The following SUMF1 variants were observed in gnomAD, a reference collection of about 807,000 sequenced individuals.
SUMF1 encodes sulfatase modifying factor 1.
In SUMF1, 48 loss-of-function variants were observed where a neutral mutation model predicts 47.6. The ratio of observed to expected loss-of-function variants is 1.01; its 90% CI spans 0.80 to 1.28. The LOEUF (loss-of-function observed/expected upper bound fraction) is 1.28, where lower values mean the gene tolerates loss of function less well. Ranked by LOEUF, SUMF1 falls within the 50% of genes most tolerant of loss-of-function variation. The pLI, the probability that SUMF1 is intolerant of heterozygous loss-of-function variation, is 0.00. For synonymous variants in SUMF1, 230 were observed against 192.1 expected (o/e 1.20, Z -1.63); for missense variants, 571 against 485.4 (o/e 1.18, Z -1.66).
chr3:4,168,351 A>G (rs1303511497), intron 8 of SUMF1, among the ~76,000 whole-genome samples: 1 of 152,172 alleles, frequency 6.6e-6, no homozygotes, highest in Non-Finnish European at 1.5e-5. Context: ...GATTTGCCCA[A>G]GGATAAATAT....
chr3:4,306,538 A>T (rs1698197902), intron 8 of SUMF1, among the ~76,000 whole-genome samples: 1 of 152,214 alleles, frequency 6.6e-6, no homozygotes, highest in African/African-American at 2.4e-5. Context: ...ACAGCTCCCA[A>T]TAAAGTTAGA....
intron 3 of SUMF1, among the ~76,000 whole-genome samples, chr3:4,430,376 G>A (rs1239324571): frequency 3.3e-5 from 5 of 152,082 alleles, no homozygotes; most frequent in Admixed American, 3.3e-4. Context: ...TGCCAATTTT[G>A]GCTCTCCTAT....
chr3:4,129,759 C>A (rs183139134), intron 8 of SUMF1, among the ~76,000 whole-genome samples: 1 of 152,188 alleles, frequency 6.6e-6, no homozygotes, highest in Non-Finnish European at 1.5e-5. Flanking sequence ...GGAAACAAAA[C>A]GTCATTGTGG....
At chr3:4,173,512 A>C (rs1459001157) in intron 8 of SUMF1, among the ~76,000 whole-genome samples, 2 of 152,214 alleles carry the variant, frequency 1.3e-5, no homozygotes, top group African/African-American at 4.8e-5. Flanking sequence ...CATTTGACCC[A>C]GCAATCCCAT....
chr3:4,106,108 G>A (rs1055546458), intron 8 of SUMF1, among the ~76,000 whole-genome samples: 1 of 151,662 alleles, frequency 6.6e-6, no homozygotes, highest in Admixed American at 6.6e-5. Flanking sequence ...CAATACTTCA[G>A]TGAACCTCCT....
At chr3:4,308,075 T>G (rs898329247) in intron 8 of SUMF1, among the ~76,000 whole-genome samples, 2 of 152,160 alleles carry the variant, frequency 1.3e-5, no homozygotes, top group African/African-American at 4.8e-5. Flanking sequence ...TTCTGACTGT[T>G]TCTAAATCCC....
At chr3:4,290,892 G>A (rs1697728351) in intron 8 of SUMF1, among the ~76,000 whole-genome samples, 1 of 152,068 alleles carries the variant, frequency 6.6e-6, no homozygotes, top group Non-Finnish European at 1.5e-5. Flanking sequence ...ATTAGCCATG[G>A]TAGGTGCATT....
intron 8 of SUMF1, among the ~76,000 whole-genome samples, chr3:4,084,160 G>A (rs1692624024): frequency 6.6e-6 from 1 of 152,020 alleles, no homozygotes; most frequent in African/African-American, 2.4e-5. Flanking sequence ...AATGAAGAAA[G>A]GCATCTCTTC....
chr3:4,264,018 TGAA>T (rs775847448), intron 8 of SUMF1, among the ~76,000 whole-genome samples: 16 of 152,316 alleles, frequency 1.1e-4, no homozygotes, highest in East Asian at 5.8e-4. Context: ...TAACATTTTC[TGAA>T]GAAGTTTATC....
chr3:4,452,198 C>G (rs1308702778), intron 2 of SUMF1, among the ~76,000 whole-genome samples: 3 of 150,728 alleles, frequency 2.0e-5, no homozygotes, highest in African/African-American at 7.3e-5. Flanking sequence ...TGAGAGAAAA[C>G]TGGAAAGCAT....
intron 8 of SUMF1, among the ~76,000 whole-genome samples, chr3:4,293,490 A>T (rs1033544563): frequency 2.6e-5 from 4 of 152,242 alleles, no homozygotes; most frequent in African/African-American, 9.6e-5. Flanking sequence ...AATCACTTCT[A>T]TGACCATTTA....
chr3:4,196,144 G>C (rs1180743377), intron 8 of SUMF1, among the ~76,000 whole-genome samples: 1 of 152,096 alleles, frequency 6.6e-6, no homozygotes, highest in Non-Finnish European at 1.5e-5. Flanking sequence ...CACATAAGGG[G>C]AAGTCCAGAA....
At chr3:4,305,637 G>T (rs995990837) in intron 8 of SUMF1, among the ~76,000 whole-genome samples, 2 of 152,092 alleles carry the variant, frequency 1.3e-5, no homozygotes, top group African/African-American at 2.4e-5. Context: ...AAAATATTTT[G>T]ATTTCTTCCC....
chr3:4,292,930 T>C lies in SUMF1; in HGVS notation c.1014+83400A>G, dbSNP rs73119327. ...TTTCCAGGCTCTGTAAAAAACAAAT[T>C]ATATTCAATGTTCTTCTAAGCTAAG... On this transcript the variant is annotated intron_variant and NMD_transcript_variant, in intron 8 of 12. Transcript: ENST00000448413. Among the ~76,000 whole-genome samples, 357 of 152,282 alleles carry C rather than the reference T, an allele frequency of 2.3e-3. 2 individuals carry two copies. The highest frequency in any genetic ancestry group is 7.9e-3 in the African/African-American group (329 of 41,566).
At chr3:4,358,677 T>C (rs1025751482), downstream of SUMF1, among the ~76,000 whole-genome samples, 7 of 152,248 alleles carry the variant, frequency 4.6e-5, no homozygotes, top group Non-Finnish European at 8.8e-5. Flanking sequence ...TTTAGTGGCT[T>C]CAAGAACTGC....
At chr3:4,192,497 C>T (rs955227659) in intron 8 of SUMF1, among the ~76,000 whole-genome samples, 1 of 151,798 alleles carries the variant, frequency 6.6e-6, no homozygotes, top group Middle Eastern at 3.2e-3. Context: ...AAATCCTCTA[C>T]CTTATTTCAA....
Position 4,103,196 on chromosome 3 carries a change from T to G in SUMF1, c.1015-34451A>C, listed in dbSNP as rs575161130. Among the ~76,000 whole-genome samples the G allele has an allele frequency of 1.1e-3, 162 of 151,516 alleles. 1 individual carries two copies. The highest frequency in any genetic ancestry group is 1.8e-3 in the Non-Finnish European group (122 of 67,896). ...CCTCGGCCTCCCAAAGTGCTGAGAT[T>G]ATAGGCATGAGCCACTGTGCCCGGC... is the stretch of plus-strand genomic sequence containing the variant. On this transcript the variant is annotated intron_variant and NMD_transcript_variant, in intron 8 of 12. Transcript: ENST00000448413.
chr3:4,354,502 G>GAAAC (rs1699575801), intron 8 of SUMF1, among the ~76,000 whole-genome samples: 1 of 152,188 alleles, frequency 6.6e-6, no homozygotes, highest in Admixed American at 6.5e-5. Context: ...CACAATATAG[G>GAAAC]TAGCGATAAC....
intron 8 of SUMF1, among the ~76,000 whole-genome samples, chr3:4,328,031 C>T (rs142807286): frequency 6.6e-5 from 10 of 152,110 alleles, no homozygotes; most frequent in Non-Finnish European, 1.5e-4. Flanking sequence ...GCTTGTGCTA[C>T]ATAGTGAGGC....
Sources: gnomAD v4.1 joint callset for allele counts (sites outside exome capture counted in the v4.1 genomes callset) on GRCh38, gnomAD v4.1.1 for gene constraint, MANE v1.5 for transcripts, NCBI Gene and HGNC (gene_info 2026-07-23, HGNC 2026-07-21) for gene names.